Variants in RND2 observed in about 807,000 individuals in gnomAD.
RND2 encodes Rho family GTPase 2, also known as rho-related GTP-binding protein RhoN.
Under a neutral mutation model 25.9 loss-of-function variants are expected in RND2, and 16 were observed. The observed-to-expected ratio is 0.62, with a 90% CI of 0.42 to 0.94. RND2 has a LOEUF of 0.94. Among genes scored for constraint, RND2 ranks in the 40% least tolerant of loss-of-function variants. RND2 has a pLI of 0.00. For missense variants in RND2, 276 were observed against 305.5 expected (o/e 0.90, Z 0.72); for synonymous variants, 97 against 118.1 (o/e 0.82, Z 1.16).
chr17:43,026,147 T>C (rs2151974094), intron 2 of RND2, 100 bp downstream of exon 2: 1 of 722,634 alleles, frequency 1.4e-6, no homozygotes, highest in Non-Finnish European at 2.4e-6. Flanking sequence ...AGCCCATCCA[T>C]CCAATTCCAA....
Position 43,026,007 on chromosome 17 carries a change from C to T in RND2, c.150C>T (p.Ile50=). ...AGAACTACACTGCGAGCTTTGAGAT[C>T]GACAAGCGCCGCATTGAGCTCAACA... ...VFENYTASFE[I]DKRRIELNMW... Residue 50 remains isoleucine, a synonymous_variant, in exon 2 of 5, where the codon ATC becomes ATT. Transcript: ENST00000587250. The T allele has an allele frequency of 6.2e-7, 1 of 1,612,956 alleles. No individual in the cohort carries two copies. Among genetic ancestry groups the T allele is most frequent in the Non-Finnish European group, 8.5e-7 (1 of 1,179,160 alleles).
intron 2 of RND2, 96 bp from the exon 3 acceptor site, chr17:43,027,087 C>G (rs938931504): frequency 9.7e-6 from 7 of 718,188 alleles, no homozygotes; most frequent in Non-Finnish European, 1.6e-5. Flanking sequence ...TTTCCATTCT[C>G]TGCTCCCAGC....
chr17:43,025,531 GGT>G (rs916062080), intron 1 of RND2, 82 bp downstream of exon 1: 33 of 1,494,906 alleles, frequency 2.2e-5, no homozygotes, highest in Admixed American at 6.1e-5. Context: ...GATGGGAATG[GGT>G]ACTCGGGTAA....
In RND2 at chr17:43,028,552, C is replaced by A. The variant is rs887390020; in HGVS notation, c.556C>A (p.His186Asn). 6.2e-7 allele frequency: 1 copy of A among 1,614,106 alleles called. No homozygotes were observed. Among genetic ancestry groups the A allele is most frequent in the African/African-American group, 1.3e-5 (1 of 74,934 alleles). ...TACAGTGGCCTCCCTTGGCCGTGGC[C>A]ATAGGCAGCTGCGCCGAACTGACTC... ...VATVASLGRG[H>N]RQLRRTDSRR... Residue 186 changes from histidine to asparagine, a missense_variant, in exon 5 of 5, where the codon CAT (histidine) becomes AAT (asparagine). Coordinates refer to ENST00000587250, the MANE Select transcript of RND2 (RefSeq NM_005440.5).
In RND2 at chr17:43,028,982, T is replaced by C; in HGVS notation, c.*302T>C. ...ATGGTGACCTTGGTGGAGTCTCCTA[T>C]GTGAAGAGTACCCTCCCTCTCCACC... is the stretch of plus-strand genomic sequence containing the variant. On this transcript the variant is annotated 3_prime_UTR_variant, in exon 5 of 5. Coordinates refer to ENST00000587250, the MANE Select transcript of RND2 (RefSeq NM_005440.5). 2.4e-6 allele frequency: 1 copy of C among 408,560 alleles called. No individual in the cohort carries two copies. Among genetic ancestry groups the C allele is most frequent in the Non-Finnish European group, 4.6e-6 (1 of 218,358 alleles). The allele number at this position is 408,560 out of a possible 1,614,324, so 25.3% of individuals were successfully genotyped here. A position where few individuals can be genotyped will look rare whatever the true frequency, so the allele number is the denominator to read the frequency against.
chr17:43,028,165 G>A lies in RND2; in HGVS notation c.405G>A (p.Lys135=), dbSNP rs1187502879. 2 of 1,614,084 alleles carry A rather than the reference G, an allele frequency of 1.2e-6. No individual in the cohort carries two copies. The highest frequency in any genetic ancestry group is 1.3e-5 in the African/African-American group (1 of 74,922). ...TGGCCACACTGAGGGAGCTGTCCAAGCAGAGGCTTATCCCTGTTACACATG... is the reference window on the plus strand; with the variant it reads ...TGGCCACACTGAGGGAGCTGTCCAAACAGAGGCTTATCCCTGTTACACATG... ...TDLATLRELS[K]QRLIPVTHEQ... Residue 135 remains lysine (K), a synonymous_variant, in exon 4 of 5, where the codon AAG becomes AAA. Transcript: ENST00000587250.
chr17:43,025,238 C>T lies in RND2; in HGVS notation c.-110C>T. Reference sequence around the variant, plus strand: ...CCGGGGCGGGGGCTCGGCGCGGGCCCGCGAGATGCCGGTGTTGGCGGCCCG... The same window carrying T: ...CCGGGGCGGGGGCTCGGCGCGGGCCTGCGAGATGCCGGTGTTGGCGGCCCG... On this transcript the variant is annotated 5_prime_UTR_variant, in exon 1 of 5. Transcript: ENST00000587250. 1.1e-6 allele frequency: 1 copy of T among 914,000 alleles called. No homozygotes were observed. Among genetic ancestry groups the T allele is most frequent in the Non-Finnish European group, 1.4e-6 (1 of 711,012 alleles). 56.6% of individuals were successfully genotyped at this position (914,000 alleles called of 1,614,324 possible).
rs1330516244 is a variant in RND2 at position 43,025,423 on chromosome 17, G to A, written c.76G>A (p.Val26Met). Reference sequence around the variant, plus strand: ...GTGCGGCAAGACGGCGCTGCTGCAGGTGTTCGCCAAGGACGCCTATCCCGG... The same window carrying A: ...GTGCGGCAAGACGGCGCTGCTGCAGATGTTCGCCAAGGACGCCTATCCCGG... The part of the protein sequence containing the change: ...AECGKTALLQ[V>M]FAKDAYPGSY... The change falls in exon 1 of 5, where the codon GTG (valine) becomes ATG (methionine). Residue 26 changes from valine (V) to methionine (M), a missense_variant. By Grantham distance (21) the Val-to-Met change is conservative (BLOSUM62 1). Transcript: ENST00000587250. 9 of 1,551,644 alleles carry A rather than the reference G, an allele frequency of 5.8e-6. No homozygotes were observed. Among genetic ancestry groups the A allele is most frequent in the Non-Finnish European group, 7.8e-6 (9 of 1,147,650 alleles).
In RND2 at chr17:43,025,316, G is replaced by A. The variant is rs1189366254; in HGVS notation, c.-32G>A. On this transcript the variant is annotated 5_prime_UTR_variant, in exon 1 of 5. The change creates a new upstream start codon in the 5' untranslated region. Transcript: ENST00000587250. ...GGCGGCGGCGGGGCCCGGGAGAGGG[G>A]TGGCGTGGGGGACCGGCGCGTAGCC... The A allele has an allele frequency of 2.0e-6, 3 of 1,510,560 alleles. No homozygotes were observed. Among genetic ancestry groups the A allele is most frequent in the East Asian group, 2.7e-5 (1 of 36,982 alleles). The allele number at this position is 1,510,560 out of a possible 1,614,324, so 93.6% of individuals were successfully genotyped here.
At position 43,027,300 on chromosome 17, in the gene RND2, C is replaced by G. The variant is rs199745598; in HGVS notation, c.300+8C>G. On this transcript the variant is annotated splice_region_variant and intron_variant, in intron 3 of 4. Transcript: ENST00000587250. ...GACAGTGTTCTCAAGAAGGTGGGAG[C>G]CTGGGGAAATAGGGCAGCTAGACTG... The G allele has an allele frequency of 7.0e-5, 111 of 1,595,034 alleles. No homozygotes were observed. Among genetic ancestry groups the G allele is most frequent in the Non-Finnish European group, 8.7e-5 (102 of 1,166,824 alleles).
intron 2 of RND2, 63 bp from the exon 3 acceptor site, chr17:43,027,120 G>A: frequency 1.0e-6 from 1 of 994,608 alleles, no homozygotes; most frequent in Non-Finnish European, 1.5e-6. Flanking sequence ...GGATCTGTAA[G>A]GTCTCCCATT....
Position 43,031,691 on chromosome 17 carries a change from AG to A in RND2, c.*3012del, listed in dbSNP as rs2050673130. ...ATATCCATCTAAAGCAAACATAATT[AG>A]AAAAATCAATCAGCTGGAGGACCCC... On this transcript the variant is annotated 3_prime_UTR_variant, in exon 5 of 5. Transcript: ENST00000587250. The A allele has an allele frequency of 6.6e-6, 1 of 152,206 alleles. No homozygotes were observed. The highest frequency in any genetic ancestry group is 2.1e-4 in the South Asian group (1 of 4,832). The allele number at this position is 152,206 out of a possible 1,614,324, so 9.4% of individuals were successfully genotyped here.
At chr17:43,026,602 T>A (rs1303403778) in intron 2 of RND2, among the ~76,000 whole-genome samples, 1 of 152,156 alleles carries the variant, frequency 6.6e-6, no homozygotes, top group Non-Finnish European at 1.5e-5. Context: ...TGAGCCGAGA[T>A]CATGCCGCTG....
intron 4 of RND2, 51 bp downstream of exon 4, chr17:43,028,246 C>G (rs528373929): frequency 6.2e-7 from 1 of 1,608,932 alleles, no homozygotes; most frequent in African/African-American, 1.3e-5. Flanking sequence ...GTCACCTCTG[C>G]CCCTTCAGTC....
chr17:43,025,808 GGGGCA>G, intron 1 of RND2, 147 bp from the exon 2 acceptor site: 1 of 209,782 alleles, frequency 4.8e-6, no homozygotes, highest in Non-Finnish European at 8.7e-6. Context: ...GGGGGGGGGG[GGGGCA>G]GGAGCTCCCG....
intron 2 of RND2, 24 bp downstream of exon 2, chr17:43,026,071 C>A: frequency 6.4e-7 from 1 of 1,573,724 alleles, no homozygotes; most frequent in Non-Finnish European, 8.7e-7. Flanking sequence ...TGGGGGTCAC[C>A]CTGACTTCCA....
intron 1 of RND2, chr17:43,025,654 G>A: frequency 3.6e-6 from 1 of 275,506 alleles, no homozygotes; most frequent in Non-Finnish European, 5.5e-6. Flanking sequence ...GATAGATGGG[G>A]TTTGGGAGAA....
At chr17:43,026,378 G>C (rs898087010) in intron 2 of RND2, 3 of 262,432 alleles carry the variant, frequency 1.1e-5, no homozygotes, top group South Asian at 5.6e-5. Context: ...GGCCAGGCAC[G>C]GTGGCTCACG....
intron 2 of RND2, among the ~76,000 whole-genome samples, chr17:43,026,724 A>G (rs775087136): frequency 3.3e-5 from 5 of 152,198 alleles, no homozygotes; most frequent in Non-Finnish European, 5.9e-5. Context: ...CTCTCCATTG[A>G]ACTAGATAAA....
Sources: allele counts gnomAD v4.1 joint callset (sites outside exome capture counted in the v4.1 genomes callset), GRCh38; gene constraint gnomAD v4.1.1; transcripts MANE v1.5; gene names NCBI Gene and HGNC (gene_info 2026-07-23, HGNC 2026-07-21).